LEPR: variants seen among roughly 807,000 people sequenced by gnomAD.
The protein encoded by LEPR is leptin receptor, also known as OB receptor.
Under a neutral mutation model 114.7 loss-of-function variants are expected in LEPR, and 56 were observed. The ratio of observed to expected loss-of-function variants is 0.49; its 90% CI spans 0.39 to 0.61. LEPR has a LOEUF of 0.61. Among genes scored for constraint, LEPR ranks in the 20% least tolerant of loss-of-function variants. LEPR has a pLI of 0.00. For synonymous variants in LEPR, 443 were observed against 461.4 expected (o/e 0.96, Z 0.51); for missense variants, 1,202 against 1,352.9 (o/e 0.89, Z 1.75).
At chr1:65,551,050 A>G (rs1652301588) in intron 2 of LEPR, among the ~76,000 whole-genome samples, 4 of 152,160 alleles carry the variant, frequency 2.6e-5, no homozygotes, top group African/African-American at 9.7e-5. Context: ...GCAGCCTTGC[A>G]TCCTAGAGAT....
rs1646928568 is a variant in LEPR, at chr1:65,460,288, A to C, written c.-21+34910A>C. On this transcript the variant is annotated intron_variant, in intron 2 of 19. Coordinates refer to ENST00000349533, the MANE Select transcript of LEPR (RefSeq NM_002303.6). ...AAAGAACACAGCTAGCAAGTGCCAGAGTCAGGAGTCACCTCAGGTCCTCCT... is the reference window on the plus strand; with the variant it reads ...AAAGAACACAGCTAGCAAGTGCCAGCGTCAGGAGTCACCTCAGGTCCTCCT... 1.3e-5 allele frequency among the ~76,000 whole-genome samples: 2 copies of C among 152,190 alleles called. 1 individual carries two copies. The highest frequency in any genetic ancestry group is 4.1e-4 in the South Asian group (2 of 4,834).
intron 2 of LEPR, among the ~76,000 whole-genome samples, chr1:65,497,881 TAA>T (rs1208346891): frequency 6.6e-6 from 1 of 152,128 alleles, no homozygotes; most frequent in African/African-American, 2.4e-5. Context: ...AAATTCAAGT[TAA>T]ATCAGTGCTT....
chr1:65,519,074 CCT>C (rs1649489425), intron 2 of LEPR, among the ~76,000 whole-genome samples: 1 of 147,452 alleles, frequency 6.8e-6, no homozygotes, highest in African/African-American at 2.5e-5. Flanking sequence ...TTCCTTCCTT[CCT>C]TCTCTCCTTC....
intron 8 of LEPR, among the ~76,000 whole-genome samples, chr1:65,600,421 G>A (rs748636627): frequency 2.0e-5 from 3 of 152,068 alleles, no homozygotes; most frequent in African/African-American, 2.4e-5. Flanking sequence ...AGACATTGAC[G>A]TTTACCATGC....
intron 2 of LEPR, among the ~76,000 whole-genome samples, chr1:65,472,615 G>GACACACACACACACACACAC (rs77182938): frequency 1.1e-3 from 146 of 137,132 alleles, no homozygotes; most frequent in African/African-American, 3.9e-3. Flanking sequence ...TATATATATA[G>GACACACACACACACACACAC]ACACACACAC....
intron 2 of LEPR, among the ~76,000 whole-genome samples, chr1:65,454,813 A>C (rs955153602): frequency 2.0e-5 from 3 of 152,156 alleles, no homozygotes; most frequent in Admixed American, 6.5e-5. Context: ...GTATTTCCTG[A>C]ATCTGAATGT....
intron 2 of LEPR, among the ~76,000 whole-genome samples, chr1:65,516,908 C>G (rs1286860456): frequency 6.6e-6 from 1 of 152,214 alleles, no homozygotes; most frequent in Non-Finnish European, 1.5e-5. Flanking sequence ...TCACCCTTTT[C>G]CCTTCCAAAG....
Position 65,614,653 on chromosome 1 carries a change from G to A in LEPR, c.1996-1355G>A, listed in dbSNP as rs138210944. On this transcript the variant is annotated intron_variant, in intron 14 of 19. Transcript: ENST00000349533. ...ACCCAGATTTCTCACTGTTGGATTG[G>A]GAGGTTACACACAAGCACAGGATGA... 2.0e-4 allele frequency among the ~76,000 whole-genome samples: 31 copies of A among 152,246 alleles called. No homozygotes were observed. The East Asian group carries it at 6.0e-3, about 29-fold the overall frequency.
At chr1:65,556,033 T>C (rs138541512) in intron 2 of LEPR, among the ~76,000 whole-genome samples, 1 of 152,238 alleles carries the variant, frequency 6.6e-6, no homozygotes, top group Non-Finnish European at 1.5e-5. Flanking sequence ...ACCAATGCAA[T>C]AGCATTAAGA....
rs1286890798 is a variant in LEPR at position 65,633,851 on chromosome 1, C to A, written c.2674-2340C>A. 1.0e-6 allele frequency: 1 copy of A among 985,326 alleles called. No individual in the cohort carries two copies. Among genetic ancestry groups the A allele is most frequent in the East Asian group, 1.1e-4 (1 of 8,826 alleles). The allele number at this position is 985,326 out of a possible 1,614,324, so 61.0% of individuals were successfully genotyped here. A position where few individuals can be genotyped will look rare whatever the true frequency, so the allele number is the denominator to read the frequency against. On this transcript the variant is annotated intron_variant, in intron 19 of 19. Coordinates refer to ENST00000349533, the MANE Select transcript of LEPR (RefSeq NM_002303.6). This position sits in a 1 kb window ranked among gnomAD's most constrained non-coding sequence, Gnocchi z 4.1. ...AAGCCCGAAGTTGTGTTTGTGCTGC[C>A]CACAGGACAGTGGGAGTTACAGTTC...
At chr1:65,525,929 G>A in intron 2 of LEPR, 2 of 877,624 alleles carry the variant, frequency 2.3e-6, no homozygotes, top group Non-Finnish European at 1.4e-6. Flanking sequence ...CCCGCGGGCC[G>A]CTTAGGGACT....
At chr1:65,631,530 C>T (rs1327054827) in intron 19 of LEPR, among the ~76,000 whole-genome samples, 1 of 152,122 alleles carries the variant, frequency 6.6e-6, no homozygotes, top group Non-Finnish European at 1.5e-5. Flanking sequence ...TTCTCATTAG[C>T]CCTCTCAGAT....
intron 16 of LEPR, among the ~76,000 whole-genome samples, chr1:65,619,543 A>C (rs142766857): frequency 6.6e-6 from 1 of 152,088 alleles, no homozygotes; most frequent in Admixed American, 6.5e-5. Flanking sequence ...AATTCCTATT[A>C]AAAAAAGGAG....
intron 2 of LEPR, among the ~76,000 whole-genome samples, chr1:65,493,319 TC>T (rs1423431206): frequency 6.6e-6 from 1 of 152,096 alleles, no homozygotes; most frequent in Non-Finnish European, 1.5e-5. Flanking sequence ...CTACTTGTTC[TC>T]TTAGCATTTG....
At chr1:65,565,753 A>G (rs768525693) in intron 3 of LEPR, 148 bp downstream of exon 3, 4 of 1,099,444 alleles carry the variant, frequency 3.6e-6, no homozygotes, top group East Asian at 2.6e-5. Context: ...AATGCAAACC[A>G]TAGTATAGGT....
intron 2 of LEPR, among the ~76,000 whole-genome samples, chr1:65,454,473 G>A (rs1168271757): frequency 6.6e-6 from 1 of 151,950 alleles, no homozygotes; most frequent in Non-Finnish European, 1.5e-5. Flanking sequence ...TTTAGGGCAG[G>A]CCTGGTGGTG....
chr1:65,489,495 G>A (rs10127890), intron 2 of LEPR, among the ~76,000 whole-genome samples: 30,181 of 152,072 alleles, frequency 0.2, 3,709 homozygotes, highest in African/African-American at 0.34. Context: ...AGTTGTTTGA[G>A]TTACTTATAT....
At chr1:65,547,434 T>C (rs1360770691) in intron 2 of LEPR, among the ~76,000 whole-genome samples, 1 of 151,616 alleles carries the variant, frequency 6.6e-6, no homozygotes, top group East Asian at 1.9e-4. Context: ...ATCCATCTGG[T>C]CCTGGACTCT....
At chr1:65,491,732 G>C (rs1179456535) in intron 2 of LEPR, among the ~76,000 whole-genome samples, 1 of 152,108 alleles carries the variant, frequency 6.6e-6, no homozygotes. Context: ...CATCAGGGCA[G>C]AGATGGAAAC....
Sources: allele counts gnomAD v4.1 joint callset (sites outside exome capture counted in the v4.1 genomes callset), GRCh38; gene constraint gnomAD v4.1.1; non-coding constraint Gnocchi (gnomAD v3.1); transcripts MANE v1.5; gene names NCBI Gene and HGNC (gene_info 2026-07-23, HGNC 2026-07-21).